Variants in GATA3 observed in about 807,000 individuals in gnomAD.
GATA3 encodes the protein GATA binding protein 3.
Under a neutral mutation model 36.0 loss-of-function variants are expected in GATA3, and 6 were observed. That is an observed-to-expected ratio of 0.17 (90% confidence interval 0.09 to 0.33). GATA3 has a LOEUF of 0.33. Among genes scored for constraint, GATA3 ranks in the 10% least tolerant of loss-of-function variants. The probability of loss-of-function intolerance (pLI) is 1.00; values close to 1 mark genes in which losing one functional copy is unlikely to be tolerated. For missense variants in GATA3, 514 were observed against 610.1 expected (o/e 0.84, Z 1.66); for synonymous variants, 326 against 273.0 (o/e 1.19, Z -1.92).
intron 5 of GATA3, among the ~76,000 whole-genome samples, chr10:8,069,844 T>C (rs1009058146): frequency 2.0e-5 from 3 of 151,766 alleles, no homozygotes; most frequent in Admixed American, 6.6e-5. Context: ...CCACATACCA[T>C]GCAGCAATCC....
chr10:8,063,799 G>A (rs1274312670), intron 3 of GATA3, among the ~76,000 whole-genome samples, 194 bp from the exon 4 acceptor site: 7 of 152,150 alleles, frequency 4.6e-5, no homozygotes, highest in Admixed American at 2.6e-4. Context: ...TCGGGGGAAC[G>A]GTCATGCCAG....
intron 4 of GATA3, among the ~76,000 whole-genome samples, chr10:8,068,375 G>C (rs1832879402): frequency 6.6e-6 from 1 of 152,196 alleles, no homozygotes. Context: ...TTGGTCTTTT[G>C]AGTTTGTTTG....
chr10:8,065,713 T>G (rs1459848517), intron 4 of GATA3, among the ~76,000 whole-genome samples: 40 of 144,126 alleles, frequency 2.8e-4, no homozygotes, highest in Non-Finnish European at 5.0e-4. Context: ...TTTTTTTTTT[T>G]TTTTTTTTTT....
At chr10:8,050,334 G>A, upstream of GATA3, 1 of 152,280 alleles carries the variant, frequency 6.6e-6, no homozygotes, top group East Asian at 1.9e-4. Context: ...GCAAAGCTCT[G>A]GCCCCCGGCC....
chr10:8,061,086 TCTC>T lies in GATA3; in HGVS notation c.778+2246_778+2248del, dbSNP rs1564400300. ...TGGTTGCTCTCTCTCTCTCTCTCTC[TCTC>T]TTTTTTACCCCTTTAACCTCTTCTT... is the stretch of plus-strand genomic sequence containing the variant. On this transcript the variant is annotated intron_variant, in intron 3 of 5. Coordinates refer to ENST00000379328, the MANE Select transcript of GATA3 (RefSeq NM_001002295.2). Among the ~76,000 whole-genome samples, 975 of 149,874 alleles carry T rather than the reference TCTC, an allele frequency of 6.5e-3. 10 individuals are homozygous for T. Among genetic ancestry groups the T allele is most frequent in the African/African-American group, 0.022 (907 of 41,068 alleles).
rs762221819 is a variant in GATA3, at chr10:8,073,729, C to G, written c.1051-10C>G. The G allele has an allele frequency of 1.3e-6, 2 of 1,578,134 alleles. No individual in the cohort carries two copies. The highest frequency in any genetic ancestry group is 4.6e-5 in the East Asian group (2 of 43,850). On this transcript the variant is annotated splice_polypyrimidine_tract_variant and intron_variant, in intron 5 of 5. Transcript: ENST00000379328. The stretch of plus-strand genomic sequence containing the variant: ...GTAAAAAAAAAAAAAAAAAATTGAT[C>G]TTTGTTTAGATTAACAGACCCCTGA...
intron 4 of GATA3, among the ~76,000 whole-genome samples, chr10:8,068,781 G>A (rs1253806447): frequency 6.6e-6 from 1 of 152,198 alleles, no homozygotes; most frequent in Non-Finnish European, 1.5e-5. Context: ...AGTGCAGGCT[G>A]TATAAATTTA....
intron 5 of GATA3, among the ~76,000 whole-genome samples, chr10:8,071,995 G>A (rs1285446101): frequency 6.6e-6 from 1 of 152,166 alleles, no homozygotes; most frequent in Non-Finnish European, 1.5e-5. Flanking sequence ...TTTGATGTGG[G>A]AGTAGATTCC....
At chr10:8,059,761 G>A (rs879532373) in intron 3 of GATA3, among the ~76,000 whole-genome samples, 7 of 152,178 alleles carry the variant, frequency 4.6e-5, no homozygotes, top group Non-Finnish European at 1.0e-4. Flanking sequence ...AAAATAAATC[G>A]ATCTATCACC....
chr10:8,073,979 T>C lies in GATA3; in HGVS notation c.1291T>C (p.Phe431Leu), dbSNP rs2131522803. The C allele has an allele frequency of 6.2e-7, 1 of 1,614,144 alleles. No homozygotes were observed. Among genetic ancestry groups the C allele is most frequent in the Non-Finnish European group, 8.5e-7 (1 of 1,180,024 alleles). Residue 431 changes from phenylalanine (F) to leucine (L), a missense_variant, in exon 6 of 6, where the codon TTT becomes CTT. Phe to Leu is a conservative substitution (Grantham distance 22). This residue lies in a region of GATA3 where 89 missense variants were observed against 104.2 expected (regional missense o/e 0.85). Transcript: ENST00000379328. ...GATGCACCCGCCATCCAGCCTGTCC[T>C]TTGGACCACACCACCCCTCCAGCAT... ...TPMHPPSSLS[F>L]GPHHPSSMVT...
At position 8,055,767 on chromosome 10, in the gene GATA3, G is replaced by C. The variant is rs747477962; in HGVS notation, c.112G>C (p.Ala38Pro). The C allele has an allele frequency of 2.6e-5, 41 of 1,590,102 alleles. No individual in the cohort carries two copies. The highest frequency in any genetic ancestry group is 3.3e-5 in the Non-Finnish European group (38 of 1,168,408). The change falls in exon 2 of 6, where the codon GCG becomes CCG. Residue 38 changes from alanine (A) to proline (P), a missense_variant. Ala to Pro is a conservative substitution (Grantham distance 27). Transcript: ENST00000379328. The surrounding 1 kb of genome is among the most constrained non-coding windows in gnomAD (Gnocchi z 5.4). ...GGGCCTCAGCCACTCCTACATGGAC[G>C]CGGCGCAGTACCCGCTGCCGGAGGA... ...HPGLSHSYMD[A>P]AQYPLPEEVD...
Position 8,064,146 on chromosome 10 carries a change from C to T in GATA3, c.924+8C>T, listed in dbSNP as rs1488930531. 1 of 1,614,074 alleles carries T rather than the reference C, an allele frequency of 6.2e-7. No homozygotes were observed. The highest frequency in any genetic ancestry group is 8.5e-7 in the Non-Finnish European group (1 of 1,180,022). On this transcript the variant is annotated splice_region_variant and intron_variant, in intron 4 of 5. Coordinates refer to ENST00000379328, the MANE Select transcript of GATA3 (RefSeq NM_001002295.2). Reference sequence around the variant, plus strand: ...AAGCCCAAGCGAAGGCTGGTAAGTTCTCGGGAAGGGATGGATTCCATGCTG... The same window carrying T: ...AAGCCCAAGCGAAGGCTGGTAAGTTTTCGGGAAGGGATGGATTCCATGCTG...
upstream of GATA3, chr10:8,053,577 G>GC (rs1309630097): frequency 6.9e-6 from 1 of 144,514 alleles, no homozygotes; most frequent in Non-Finnish European, 1.5e-5. This position sits in a 1 kb window ranked among gnomAD's most constrained non-coding sequence, Gnocchi z 5.1. Flanking sequence ...TCCAGGCCCC[G>GC]CCCCCGCTCG....
At chr10:8,063,444 G>A (rs1403169702) in intron 3 of GATA3, among the ~76,000 whole-genome samples, 1 of 152,158 alleles carries the variant, frequency 6.6e-6, no homozygotes, top group Non-Finnish European at 1.5e-5. Context: ...TCAATCAGCC[G>A]ATTGATCAAT....
At chr10:8,056,554 C>A (rs1050737729) in intron 2 of GATA3, among the ~76,000 whole-genome samples, 2 of 152,136 alleles carry the variant, frequency 1.3e-5, no homozygotes, top group African/African-American at 4.8e-5. Context: ...GGGGGGAAGA[C>A]CCCTGTCTTA....
At chr10:8,050,185 G>A (rs1832447673), upstream of GATA3, among the ~76,000 whole-genome samples, 1 of 152,250 alleles carries the variant, frequency 6.6e-6, no homozygotes, top group African/African-American at 2.4e-5. Context: ...GAGCGCCCCG[G>A]TGCGTACTGC....
chr10:8,049,515 G>T (rs1281663439), upstream of GATA3, among the ~76,000 whole-genome samples: 1 of 152,206 alleles, frequency 6.6e-6, no homozygotes, highest in Non-Finnish European at 1.5e-5. Context: ...GAGATAATAT[G>T]TATTTAACCT....
intron 1 of GATA3, among the ~76,000 whole-genome samples, chr10:8,047,260 T>C (rs532773460): frequency 1.3e-5 from 2 of 152,288 alleles, no homozygotes; most frequent in South Asian, 2.1e-4. Flanking sequence ...ACCCCTCTTC[T>C]GGAGGTTAAA....
At chr10:8,051,297 C>G (rs901526072), upstream of GATA3, 23 of 291,442 alleles carry the variant, frequency 7.9e-5, no homozygotes, top group African/African-American at 5.1e-4. Context: ...ACGCCTAAAG[C>G]AGCCGCTTCC....
Sources: allele counts gnomAD v4.1 joint callset (sites outside exome capture counted in the v4.1 genomes callset), GRCh38; gene constraint gnomAD v4.1.1; regional missense constraint gnomAD v4.1.1; non-coding constraint Gnocchi (gnomAD v3.1); transcripts MANE v1.5; gene names NCBI Gene and HGNC (gene_info 2026-07-23, HGNC 2026-07-21).